Variants in DNAI2 observed in about 807,000 individuals in gnomAD.
DNAI2 encodes the protein dynein, axonemal, intermediate polypeptide 2.
In DNAI2, 63 loss-of-function variants were observed where a neutral mutation model predicts 74.7. The observed-to-expected ratio is 0.84, with a 90% CI of 0.69 to 1.04. The LOEUF (loss-of-function observed/expected upper bound fraction) is 1.04, where lower values mean the gene tolerates loss of function less well. Among genes scored for constraint, DNAI2 ranks in the 50% least tolerant of loss-of-function variants. DNAI2 has a pLI of 0.00. For missense variants in DNAI2, 688 were observed against 803.2 expected, an observed-to-expected ratio of 0.86 and a Z score of 1.73; for synonymous variants, 289 against 314.9, an observed-to-expected ratio of 0.92 and a Z score of 0.87.
chr17:74,311,338 G>A (rs1005093926), intron 11 of DNAI2, among the ~76,000 whole-genome samples: 10 of 152,310 alleles, frequency 6.6e-5, no homozygotes, highest in Non-Finnish European at 1.2e-4. Context: ...CTAGGGCCGG[G>A]TGTGGTGGCT....
chr17:74,276,937 C>T (rs1324955188), intron 1 of DNAI2, among the ~76,000 whole-genome samples: 1 of 152,136 alleles, frequency 6.6e-6, no homozygotes, highest in Non-Finnish European at 1.5e-5. Context: ...GGGAGGATGC[C>T]ACGGGATTTG....
rs151033547 is a variant in DNAI2, at chr17:74,281,760, AG to A, written c.-11-43del. 15 of 1,591,068 alleles carry A rather than the reference AG, an allele frequency of 9.4e-6. No individual in the cohort carries two copies. The South Asian group carries it at 1.4e-4, about 15-fold the overall frequency. Reference sequence around the variant, plus strand: ...CTGGCAGGACCTGTGGAGATAGGGAAGGGGCCGGTGGGGTCCCTCACCCCAC... The same window carrying A: ...CTGGCAGGACCTGTGGAGATAGGGAAGGGCCGGTGGGGTCCCTCACCCCAC... On this transcript the variant is annotated intron_variant, in intron 1 of 13. Coordinates refer to ENST00000311014, the MANE Select transcript of DNAI2 (RefSeq NM_023036.6).
intron 9 of DNAI2, among the ~76,000 whole-genome samples, chr17:74,308,918 C>T (rs537856445): frequency 6.6e-6 from 1 of 152,084 alleles, no homozygotes; most frequent in Admixed American, 6.5e-5. Context: ...AAAATATTAG[C>T]TGGGTGTGGT....
At chr17:74,277,660 G>T (rs1015084072) in intron 1 of DNAI2, among the ~76,000 whole-genome samples, 1 of 152,224 alleles carries the variant, frequency 6.6e-6, no homozygotes, top group Non-Finnish European at 1.5e-5. Context: ...AGGACCCACT[G>T]GTCTGGTGCC....
rs1214223526 is a variant in DNAI2 at position 74,300,122 on chromosome 17, A to G, written c.864+265A>G. Among the ~76,000 whole-genome samples, 2 of 152,070 alleles carry G rather than the reference A, an allele frequency of 1.3e-5. No homozygotes were observed. The highest frequency in any genetic ancestry group is 4.8e-5 in the African/African-American group (2 of 41,404). ...TGCCACTATGCCTGGTTAATTTTTT[A>G]TTTTTAGTAGAGATGGTGCTTCACT... On this transcript the variant is annotated intron_variant, in intron 7 of 13. Coordinates refer to ENST00000311014, the MANE Select transcript of DNAI2 (RefSeq NM_023036.6). The surrounding 1 kb of genome is among the most constrained non-coding windows in gnomAD (Gnocchi z 4.5).
intron 1 of DNAI2, among the ~76,000 whole-genome samples, chr17:74,276,530 G>A (rs188143783): frequency 4.7e-4 from 71 of 152,252 alleles, no homozygotes; most frequent in African/African-American, 1.6e-3. Context: ...CTCCTGAGAC[G>A]CCCTTTGCTG....
chr17:74,301,228 A>T, intron 8 of DNAI2, 60 bp downstream of exon 8: 1 of 1,607,462 alleles, frequency 6.2e-7, no homozygotes, highest in Non-Finnish European at 8.5e-7. Flanking sequence ...AGGGCTAAAG[A>T]CAGGCCATTG....
intron 9 of DNAI2, among the ~76,000 whole-genome samples, chr17:74,305,912 T>C (rs1053048027): frequency 2.0e-5 from 3 of 152,160 alleles, no homozygotes; most frequent in African/African-American, 7.2e-5. Context: ...CCTCAGGTGA[T>C]CTGCCCACCT....
Position 74,312,247 on chromosome 17 carries a change from GGGTT to G in DNAI2, c.1722+20_1722+23del. On this transcript the variant is annotated intron_variant, in intron 12 of 13. Transcript: ENST00000311014. ...CCAGTGCCTGTAGGGGCCTGGACAG[GGGTT>G]GGGTGGGTTGGGGACTGGGCGGGAC... 1 of 558,682 alleles carries G rather than the reference GGGTT, an allele frequency of 1.8e-6. No individual in the cohort carries two copies. The highest frequency in any genetic ancestry group is 3.6e-6 in the Non-Finnish European group (1 of 279,264). The allele number at this position is 558,682 out of a possible 1,614,324, so 34.6% of individuals were successfully genotyped here. A position where few individuals can be genotyped will look rare whatever the true frequency, so the allele number is the denominator to read the frequency against.
chr17:74,284,199 A>C (rs1166271736), intron 2 of DNAI2, among the ~76,000 whole-genome samples: 2 of 148,816 alleles, frequency 1.3e-5, no homozygotes, highest in African/African-American at 5.0e-5. Context: ...CAGCCTGGGC[A>C]ACAGAGTGAG....
intron 12 of DNAI2, 57 bp from the exon 13 acceptor site, chr17:74,314,064 G>A (rs1455617162): frequency 1.2e-6 from 2 of 1,612,436 alleles, no homozygotes; most frequent in Non-Finnish European, 1.7e-6. Context: ...TCCCAGGGGA[G>A]TGGGGAAGGC....
Position 74,279,446 on chromosome 17 carries a change from C to T in DNAI2, c.-11-2361C>T, listed in dbSNP as rs184670575. Among the ~76,000 whole-genome samples the T allele has an allele frequency of 2.6e-5, 4 of 152,146 alleles. No individual in the cohort carries two copies. The East Asian group carries it at 7.7e-4, about 29-fold the overall frequency. On this transcript the variant is annotated intron_variant, in intron 1 of 13. Transcript: ENST00000311014. ...CTATAGCAAAACATCTCCTGTGCCC[C>T]ATAAATATATACACCTACTATGTAA...
rs929728469 is a variant in DNAI2, at chr17:74,309,276, A to G, written c.1235A>G (p.Asp412Gly). ...AGGTACCACATGGCTTACCTCACTGATGCTGCCTGGAGCCCCGTGAGGCCG... is the reference window on the plus strand; with the variant it reads ...AGGTACCACATGGCTTACCTCACTGGTGCTGCCTGGAGCCCCGTGAGGCCG... ...WTKYHMAYLTDAAWSPVRPTV... is the reference protein window; with the variant it reads ...WTKYHMAYLTGAAWSPVRPTV... Residue 412 changes from aspartate (D) to glycine (G), a missense_variant, in exon 10 of 14, where the codon GAT becomes GGT. By Grantham distance (94) the Asp-to-Gly change is moderately conservative. Transcript: ENST00000311014. 25 of 1,614,030 alleles carry G rather than the reference A, an allele frequency of 1.5e-5. No homozygotes were observed. The highest frequency in any genetic ancestry group is 1.8e-5 in the Non-Finnish European group (21 of 1,180,006).
Position 74,310,010 on chromosome 17 carries a change from T to C in DNAI2, c.1348-7T>C, listed in dbSNP as rs2053422159. ...CTCTACCTGGGTCTGCCCGGCCCCT[T>C]CAATAGGTGTGTGACGAGGCCCTCT... On this transcript the variant is annotated splice_region_variant and splice_polypyrimidine_tract_variant and intron_variant, in intron 10 of 13. Coordinates refer to ENST00000311014, the MANE Select transcript of DNAI2 (RefSeq NM_023036.6). 6.2e-7 allele frequency: 1 copy of C among 1,613,656 alleles called. No homozygotes were observed. Among genetic ancestry groups the C allele is most frequent in the Non-Finnish European group, 8.5e-7 (1 of 1,180,020 alleles).
At chr17:74,304,146 G>GTTCTTTTTTCTTTTCTT (rs2053030151) in intron 8 of DNAI2, among the ~76,000 whole-genome samples, 1 of 138,070 alleles carries the variant, frequency 7.2e-6, no homozygotes, top group African/African-American at 2.7e-5. Context: ...TAAACTAGGA[G>GTTCTTTTTTCTTTTCTT]TTCTTTTTTC....
In DNAI2 at chr17:74,300,970, G is replaced by C. The variant is rs1371337904; in HGVS notation, c.865-76G>C. 6.3e-7 allele frequency: 1 copy of C among 1,597,796 alleles called. No homozygotes were observed. Among genetic ancestry groups the C allele is most frequent in the Non-Finnish European group, 8.5e-7 (1 of 1,171,890 alleles). On this transcript the variant is annotated intron_variant, in intron 7 of 13. Transcript: ENST00000311014. The surrounding 1 kb of genome is among the most constrained non-coding windows in gnomAD (Gnocchi z 4.5). Reference sequence around the variant, plus strand: ...CCCAGTGGCTGACCCCAGGACGGTGGGGTGAGGGCGGAGAAGGCAAAAGCC... The same window carrying C: ...CCCAGTGGCTGACCCCAGGACGGTGCGGTGAGGGCGGAGAAGGCAAAAGCC...
chr17:74,301,274 C>T, intron 8 of DNAI2, 106 bp downstream of exon 8: 2 of 1,532,798 alleles, frequency 1.3e-6, no homozygotes, highest in South Asian at 1.1e-5. Context: ...CCAGCACCAG[C>T]CCAGGGAGGC....
At chr17:74,297,236 C>T (rs1229021658) in intron 6 of DNAI2, among the ~76,000 whole-genome samples, 1 of 151,954 alleles carries the variant, frequency 6.6e-6, no homozygotes, top group South Asian at 2.1e-4. Context: ...CAGGTGCCCG[C>T]CACCACGCCC....
chr17:74,307,801 A>G (rs931418438), intron 9 of DNAI2, among the ~76,000 whole-genome samples: 2 of 151,062 alleles, frequency 1.3e-5, no homozygotes, highest in African/African-American at 4.9e-5. Context: ...AAATCTCCAG[A>G]TGTTTCTTTT....
Sources: gnomAD v4.1 joint callset for allele counts (sites outside exome capture counted in the v4.1 genomes callset) on GRCh38, gnomAD v4.1.1 for gene constraint, Gnocchi (gnomAD v3.1) non-coding constraint, MANE v1.5 for transcripts, NCBI Gene and HGNC (gene_info 2026-07-23, HGNC 2026-07-21) for gene names.